Variants in CLOCK observed in about 807,000 individuals in gnomAD.
CLOCK encodes circadian locomoter output cycles protein kaput.
In CLOCK, 43 loss-of-function variants were observed where a neutral mutation model predicts 118.4. The observed-to-expected ratio is 0.36, with a 90% confidence interval of 0.28 to 0.47. The LOEUF is 0.47. CLOCK is among the 20% of genes least tolerant of loss of function. CLOCK has a pLI of 1.00. For synonymous variants in CLOCK, 326 were observed against 339.2 expected, an observed-to-expected ratio of 0.96 and a Z score of 0.43; for missense variants, 846 against 999.9, an observed-to-expected ratio of 0.85 and a Z score of 2.08.
intron 1 of CLOCK, among the ~76,000 whole-genome samples, chr4:55,520,572 T>C (rs1729793101): frequency 6.6e-6 from 1 of 152,204 alleles, no homozygotes; most frequent in Non-Finnish European, 1.5e-5. Context: ...AATTTTACAA[T>C]ATACATTTAA....
intron 9 of CLOCK, among the ~76,000 whole-genome samples, chr4:55,461,945 G>A (rs1725372148): frequency 6.6e-6 from 1 of 152,000 alleles, no homozygotes; most frequent in Non-Finnish European, 1.5e-5. Context: ...TTTACCACCT[G>A]TACAACCTCA....
At chr4:55,482,917 A>G in intron 3 of CLOCK, 89 bp from the exon 4 acceptor site, 1 of 593,222 alleles carries the variant, frequency 1.7e-6, no homozygotes, top group South Asian at 2.5e-5. Context: ...ATGTTATCAC[A>G]GAGACTTCAA....
chr4:55,499,798 C>T lies in CLOCK; in HGVS notation c.-136+10114G>A, dbSNP rs116237166. ...AGCTCTCTAGGTCTTTGCCATGTTT[C>T]TTTCGCTCTGTTCCATGTACGTGTA... On this transcript the variant is annotated intron_variant, in intron 2 of 22. Coordinates refer to ENST00000513440, the MANE Select transcript of CLOCK (RefSeq NM_004898.4). Among the ~76,000 whole-genome samples, 450 of 152,304 alleles carry T rather than the reference C, an allele frequency of 3.0e-3. 2 individuals are homozygous for T. The highest frequency in any genetic ancestry group is 0.01 in the African/African-American group (436 of 41,562).
intron 13 of CLOCK, among the ~76,000 whole-genome samples, chr4:55,454,571 G>A (rs916828074): frequency 4.9e-5 from 6 of 122,108 alleles, no homozygotes; most frequent in African/African-American, 1.9e-4. Flanking sequence ...GCTGAGACAC[G>A]CCACTGCACT....
intron 3 of CLOCK, among the ~76,000 whole-genome samples, chr4:55,483,252 T>A (rs996137814): frequency 2.0e-5 from 3 of 151,956 alleles, no homozygotes; most frequent in African/African-American, 7.3e-5. Flanking sequence ...GTAGGAAAAA[T>A]TTGCAATTGA....
chr4:55,495,906 C>G (rs1728038066), intron 2 of CLOCK, among the ~76,000 whole-genome samples: 1 of 151,016 alleles, frequency 6.6e-6, no homozygotes, highest in African/African-American at 2.4e-5. Flanking sequence ...AACAAAAAAA[C>G]TGCTGGGCGC....
At chr4:55,491,628 A>G (rs13146987) in intron 2 of CLOCK, among the ~76,000 whole-genome samples, 51,331 of 151,998 alleles carry the variant, frequency 0.34, 9,354 homozygotes, top group East Asian at 0.58. Context: ...CTGAATCATG[A>G]ATAGAAAAAT....
chr4:55,517,336 C>T (rs964382529), intron 1 of CLOCK, among the ~76,000 whole-genome samples: 8 of 152,112 alleles, frequency 5.3e-5, no homozygotes, highest in Non-Finnish European at 8.8e-5. Context: ...CAGTGAAACC[C>T]TGTCTCTACT....
intron 9 of CLOCK, among the ~76,000 whole-genome samples, chr4:55,459,933 C>T (rs552401942): frequency 2.0e-5 from 3 of 152,124 alleles, no homozygotes; most frequent in African/African-American, 7.2e-5. Flanking sequence ...GGATTATAGG[C>T]GAGAGCCACT....
At chr4:55,520,212 G>A (rs545531472) in intron 1 of CLOCK, among the ~76,000 whole-genome samples, 114 of 152,144 alleles carry the variant, frequency 7.5e-4, no homozygotes, top group African/African-American at 2.7e-3. Context: ...ACTTTTTTAA[G>A]GCCACCAACA....
At position 55,431,910 on chromosome 4, in the gene CLOCK, C is replaced by A. The variant is rs936052279; in HGVS notation, c.*3505G>T. 1.3e-5 allele frequency: 2 copies of A among 152,204 alleles called. No homozygotes were observed. Among genetic ancestry groups the A allele is most frequent in the African/African-American group, 2.4e-5 (1 of 41,454 alleles). 9.4% of individuals were successfully genotyped at this position (152,204 alleles called of 1,614,324 possible). A position where few individuals can be genotyped will look rare whatever the true frequency, so the allele number is the denominator to read the frequency against. ...AAGGGTTCTTCTCCCTTCAACAGTG[C>A]TCTTGATGGAGCTGGACTGCTTCAG... On this transcript the variant is annotated 3_prime_UTR_variant, in exon 23 of 23. Transcript: ENST00000513440.
chr4:55,453,197 C>A, intron 14 of CLOCK, 68 bp from the exon 15 acceptor site: 1 of 1,266,818 alleles, frequency 7.9e-7, no homozygotes, highest in South Asian at 1.2e-5. Flanking sequence ...ACAGCTGTAA[C>A]TATTCAGTGT....
rs186583934 is a variant in CLOCK at position 55,534,550 on chromosome 4, C to T, written c.-290+12232G>A. On this transcript the variant is annotated intron_variant, in intron 1 of 22. Transcript: ENST00000513440. The stretch of plus-strand genomic sequence containing the variant: ...TGCTAATAGACTCTAATCCCCTACA[C>T]CTTGATTTGGTTTTCTCTACAATAC... Among the ~76,000 whole-genome samples, 492 of 152,268 alleles carry T rather than the reference C, an allele frequency of 3.2e-3. 1 individual carries two copies. Among genetic ancestry groups the T allele is most frequent in the African/African-American group, 0.011 (463 of 41,550 alleles).
intron 1 of CLOCK, among the ~76,000 whole-genome samples, chr4:55,523,177 G>GTA (rs1406620236): frequency 6.6e-6 from 1 of 152,048 alleles, no homozygotes; most frequent in African/African-American, 2.4e-5. Flanking sequence ...GTGGGCACCT[G>GTA]TAGTCCCAGC....
intron 5 of CLOCK, 119 bp from the exon 6 acceptor site, chr4:55,479,082 A>G (rs1271226262): frequency 2.4e-6 from 2 of 846,124 alleles, no homozygotes; most frequent in Non-Finnish European, 3.6e-6. Flanking sequence ...ATGGTAACAA[A>G]TATCTTCCAG....
chr4:55,527,987 G>C (rs1214755289), intron 1 of CLOCK, among the ~76,000 whole-genome samples: 1 of 151,574 alleles, frequency 6.6e-6, no homozygotes, highest in Non-Finnish European at 1.5e-5. Context: ...AGCTATAATT[G>C]GGCTACTGCA....
At position 55,431,692 on chromosome 4, in the gene CLOCK, C is replaced by G. The variant is rs569436934; in HGVS notation, c.*3723G>C. On this transcript the variant is annotated 3_prime_UTR_variant, in exon 23 of 23. Coordinates refer to ENST00000513440, the MANE Select transcript of CLOCK (RefSeq NM_004898.4). The stretch of plus-strand genomic sequence containing the variant: ...ACACAAATATTCATCAACAAACTTT[C>G]AATTACCAAAGAAACAGAAAGAAAA... The G allele has an allele frequency of 1.4e-5, 2 of 142,004 alleles. No homozygotes were observed. The highest frequency in any genetic ancestry group is 7.6e-5 in the Admixed American group (1 of 13,234). 8.8% of individuals were successfully genotyped at this position (142,004 alleles called of 1,614,324 possible). A position where few individuals can be genotyped will look rare whatever the true frequency, so the allele number is the denominator to read the frequency against.
At chr4:55,438,619 T>G in intron 21 of CLOCK, 82 bp from the exon 22 acceptor site, 2 of 1,599,468 alleles carry the variant, frequency 1.3e-6, no homozygotes, top group East Asian at 2.2e-5. Context: ...AATACTTACC[T>G]AAGATAATAC....
At chr4:55,448,298 A>G (rs1188843361) in intron 18 of CLOCK, among the ~76,000 whole-genome samples, 5 of 152,240 alleles carry the variant, frequency 3.3e-5, no homozygotes, top group Non-Finnish European at 5.9e-5. Flanking sequence ...AAGTTACTCA[A>G]TTCTTCCAAT....
Sources: gnomAD v4.1 joint callset for allele counts (sites outside exome capture counted in the v4.1 genomes callset) on GRCh38, gnomAD v4.1.1 for gene constraint, MANE v1.5 for transcripts, NCBI Gene and HGNC (gene_info 2026-07-23, HGNC 2026-07-21) for gene names.